Variants in ZC3H8 observed in about 807,000 individuals in gnomAD.
The protein encoded by ZC3H8 is zinc finger CCCH-type containing 8, also known as zinc finger CCCH domain-containing protein 8.
In ZC3H8, 27 loss-of-function variants were observed where a neutral mutation model predicts 42.5. The ratio of observed to expected loss-of-function variants is 0.64; its 90% CI spans 0.47 to 0.88. The LOEUF (loss-of-function observed/expected upper bound fraction) is 0.88. ZC3H8 is among the 40% of genes least tolerant of loss of function. ZC3H8 has a pLI of 0.00. For missense variants in ZC3H8, 277 were observed against 336.1 expected, an observed-to-expected ratio of 0.82 and a Z score of 1.37; for synonymous variants, 101 against 110.1, an observed-to-expected ratio of 0.92 and a Z score of 0.52.
chr2:112,232,859 G>A (rs894845483), intron 6 of ZC3H8, among the ~76,000 whole-genome samples: 1 of 152,182 alleles, frequency 6.6e-6, no homozygotes, highest in African/African-American at 2.4e-5. Context: ...CAAATTAAGG[G>A]ATGATTAATT....
chr2:112,248,089 G>T (rs1462896541), intron 2 of ZC3H8, among the ~76,000 whole-genome samples: 1 of 152,234 alleles, frequency 6.6e-6, no homozygotes, highest in African/African-American at 2.4e-5. Context: ...ACTTCGGGAG[G>T]CCGAGGCTGG....
chr2:112,245,939 G>T (rs966188213), intron 2 of ZC3H8, among the ~76,000 whole-genome samples: 1 of 152,096 alleles, frequency 6.6e-6, no homozygotes, highest in African/African-American at 2.4e-5. Context: ...ACTTTAAAAG[G>T]CTTCAAAAAG....
chr2:112,216,694 A>AAAC (rs1684338637), intron 8 of ZC3H8, among the ~76,000 whole-genome samples: 1 of 151,990 alleles, frequency 6.6e-6, no homozygotes, highest in Non-Finnish European at 1.5e-5. Context: ...AAAAAAAAAA[A>AAAC]AAATACAAAT....
chr2:112,240,793 T>G (rs1290651851), intron 2 of ZC3H8, among the ~76,000 whole-genome samples: 1 of 152,228 alleles, frequency 6.6e-6, no homozygotes, highest in Non-Finnish European at 1.5e-5. Flanking sequence ...TATAAACTCA[T>G]TGCTTCAGTT....
intron 8 of ZC3H8, among the ~76,000 whole-genome samples, chr2:112,230,537 C>T (rs972254613): frequency 6.6e-6 from 1 of 152,210 alleles, no homozygotes; most frequent in Admixed American, 6.5e-5. Context: ...CATGCATCTA[C>T]ACGAATGAAT....
intron 6 of ZC3H8, among the ~76,000 whole-genome samples, chr2:112,232,269 T>C (rs1685127946): frequency 6.7e-6 from 1 of 149,892 alleles, no homozygotes; most frequent in South Asian, 2.1e-4. Flanking sequence ...CGAACCAAGA[T>C]TGTCCACTGC....
chr2:112,241,389 A>T (rs1210793297), intron 2 of ZC3H8, among the ~76,000 whole-genome samples: 1 of 151,880 alleles, frequency 6.6e-6, no homozygotes, highest in Non-Finnish European at 1.5e-5. Context: ...CTAGAAAAAT[A>T]CTCCATCCTA....
intron 2 of ZC3H8, among the ~76,000 whole-genome samples, chr2:112,243,407 C>A (rs560224886): frequency 1.3e-5 from 2 of 152,218 alleles, no homozygotes; most frequent in South Asian, 2.1e-4. Flanking sequence ...CAATTAAGAT[C>A]ATATTCTGGT....
At chr2:112,245,860 AC>A (rs1006658620) in intron 2 of ZC3H8, among the ~76,000 whole-genome samples, 2 of 152,192 alleles carry the variant, frequency 1.3e-5, no homozygotes, top group African/African-American at 4.8e-5. Flanking sequence ...GAATACCCTG[AC>A]TTCACCACTA....
At chr2:112,218,349 C>T (rs1267455481) in intron 8 of ZC3H8, among the ~76,000 whole-genome samples, 1 of 152,172 alleles carries the variant, frequency 6.6e-6, no homozygotes, top group East Asian at 1.9e-4. Flanking sequence ...GGAACATAGA[C>T]TCTTCTAGTG....
intron 3 of ZC3H8, among the ~76,000 whole-genome samples, chr2:112,236,904 A>G (rs1444511913): frequency 6.6e-6 from 1 of 152,034 alleles, no homozygotes; most frequent in Non-Finnish European, 1.5e-5. Flanking sequence ...TCTCTACAAA[A>G]ACATAGCTGG....
chr2:112,231,698 A>C lies in ZC3H8; in HGVS notation c.843+140T>G, dbSNP rs1175097049. On this transcript the variant is annotated intron_variant, in intron 7 of 8. Coordinates refer to ENST00000409573, the MANE Select transcript of ZC3H8 (RefSeq NM_032494.3). ...TACAAATGAAAAATATTTAAACTGAATTCTTAAGTTATTAGTCCTAATATA... is the reference window on the plus strand; with the variant it reads ...TACAAATGAAAAATATTTAAACTGACTTCTTAAGTTATTAGTCCTAATATA... 2.4e-5 allele frequency: 10 copies of C among 418,370 alleles called. No individual in the cohort carries two copies. In the Admixed American group the frequency reaches 3.0e-4, roughly 13 times the overall value. The allele number at this position is 418,370 out of a possible 1,614,324, so 25.9% of individuals were successfully genotyped here. A position where few individuals can be genotyped will look rare whatever the true frequency, so the allele number is the denominator to read the frequency against.
chr2:112,250,804 A>G (rs926420139), intron 1 of ZC3H8, among the ~76,000 whole-genome samples: 2 of 152,246 alleles, frequency 1.3e-5, no homozygotes, highest in African/African-American at 4.8e-5. Flanking sequence ...GGAAAGAGGA[A>G]TGTGAGAGAG....
intron 2 of ZC3H8, among the ~76,000 whole-genome samples, chr2:112,249,040 T>C (rs1034069197): frequency 1.3e-5 from 2 of 152,072 alleles, no homozygotes; most frequent in Admixed American, 6.5e-5. Flanking sequence ...ATTTTTTCTC[T>C]ACAAAAAACA....
At position 112,213,332 on chromosome 2, in the gene ZC3H8, A is replaced by G. The variant is rs1241801820; in HGVS notation, c.*3152T>C. Reference sequence around the variant, plus strand: ...CTTATAAGAAACTAGTCAGTGAACTAAGACAATTATGCTGAAACTCAGGAA... The same window carrying G: ...CTTATAAGAAACTAGTCAGTGAACTGAGACAATTATGCTGAAACTCAGGAA... On this transcript the variant is annotated 3_prime_UTR_variant, in exon 9 of 9. Coordinates refer to ENST00000409573, the MANE Select transcript of ZC3H8 (RefSeq NM_032494.3). 6.6e-6 allele frequency: 1 copy of G among 152,060 alleles called. No individual in the cohort carries two copies. The highest frequency in any genetic ancestry group is 1.5e-5 in the Non-Finnish European group (1 of 68,012). 9.4% of individuals were successfully genotyped at this position (152,060 alleles called of 1,614,324 possible).
chr2:112,214,971 A>C lies in ZC3H8; in HGVS notation c.*1513T>G, dbSNP rs973061808. The C allele has an allele frequency of 1.3e-5, 2 of 152,162 alleles. No individual in the cohort carries two copies. 9.4% of individuals were successfully genotyped at this position (152,162 alleles called of 1,614,324 possible). On this transcript the variant is annotated 3_prime_UTR_variant, in exon 9 of 9. Transcript: ENST00000409573. ...CTCTATTTGACTTCTGAGTCCCTCA[A>C]ATCTCTGCGGTGTCTTTTAAGTTTA...
At chr2:112,223,933 AG>A (rs772192153) in intron 8 of ZC3H8, among the ~76,000 whole-genome samples, 64 of 152,230 alleles carry the variant, frequency 4.2e-4, no homozygotes, top group Non-Finnish European at 5.0e-4. Context: ...ATTTGAGGTC[AG>A]GAGTTTGAGA....
In ZC3H8 at chr2:112,234,180, A is replaced by G; in HGVS notation, c.561T>C (p.His187=). ...TTTGTTTTCCCTTGCGTTCCACTGT[A>G]TGTTGGTTGATGAATGCCTGACTCA... ...QHLSQAFINQ[H]TVERKGKQIC... The change falls in exon 5 of 9, where the codon CAT becomes CAC. Residue 187 remains histidine (H), a synonymous_variant. Transcript: ENST00000409573. 1.2e-6 allele frequency: 2 copies of G among 1,611,052 alleles called. No homozygotes were observed. The highest frequency in any genetic ancestry group is 1.1e-5 in the South Asian group (1 of 90,102).
At chr2:112,247,876 T>C (rs993742423) in intron 2 of ZC3H8, among the ~76,000 whole-genome samples, 2 of 152,196 alleles carry the variant, frequency 1.3e-5, no homozygotes, top group South Asian at 2.1e-4. Flanking sequence ...TTGTGGGAAG[T>C]TGAAGTTGCA....
Sources: allele counts gnomAD v4.1 joint callset (sites outside exome capture counted in the v4.1 genomes callset), GRCh38; gene constraint gnomAD v4.1.1; transcripts MANE v1.5; gene names NCBI Gene and HGNC (gene_info 2026-07-23, HGNC 2026-07-21).